The following PDE6A variants were observed in gnomAD, a reference collection of about 807,000 sequenced individuals.
PDE6A encodes the protein phosphodiesterase 6A.
A neutral mutation model predicts 106.3 loss-of-function variants in PDE6A; 84 were observed. That is an observed-to-expected ratio of 0.79 (90% CI 0.66 to 0.95). PDE6A has a LOEUF of 0.95. Ranked by LOEUF, PDE6A falls within the 40% of genes least tolerant of loss-of-function variation. The probability of loss-of-function intolerance (pLI) is 0.00; values close to 1 mark genes in which losing one functional copy is unlikely to be tolerated. For missense variants in PDE6A, 1,052 were observed against 1,084.9 expected (o/e 0.97, Z 0.43); for synonymous variants, 394 against 386.6 (o/e 1.02, Z -0.23).
At chr5:149,935,808 C>G (rs1206391485) in intron 1 of PDE6A, among the ~76,000 whole-genome samples, 2 of 152,200 alleles carry the variant, frequency 1.3e-5, no homozygotes, top group African/African-American at 4.8e-5. Context: ...CAGCTCACGC[C>G]GTTCTGAGTG....
chr5:149,868,138 C>T lies in PDE6A; in HGVS notation c.2156G>A (p.Cys719Tyr). 1 of 1,614,182 alleles carries T rather than the reference C, an allele frequency of 6.2e-7. No individual in the cohort carries two copies. ...EIVMAMMMTA[C>Y]DLSAITKPWE... ...GGGTTTGGTGATGGCTGAGAGATCA[C>T]AGGCGGTCATCATCATGGCCCTGGG... is the stretch of plus-strand genomic sequence containing the variant. The change falls in exon 18 of 22, where the codon TGT becomes TAT. Residue 719 changes from cysteine to tyrosine, a missense_variant. By Grantham distance (194) the Cys-to-Tyr change is radical. This residue lies in a region of PDE6A where 913 missense variants were observed against 915.2 expected (regional missense o/e 1.00). Coordinates refer to ENST00000255266, the MANE Select transcript of PDE6A (RefSeq NM_000440.3).
chr5:149,928,209 C>CCATATATATATATATATATA (rs1554091926), intron 4 of PDE6A, among the ~76,000 whole-genome samples: 1 of 44,558 alleles, frequency 2.2e-5, no homozygotes, highest in African/African-American at 1.4e-4. Context: ...ATTGTATGTG[C>CCATATATATATATATATATA]TATATATATA....
In PDE6A at chr5:149,905,283, C is replaced by T. The variant is rs112187873; in HGVS notation, c.1066-1588G>A. Among the ~76,000 whole-genome samples the T allele has an allele frequency of 1.4e-3, 206 of 152,272 alleles. 1 individual carries two copies. Among genetic ancestry groups the T allele is most frequent in the African/African-American group, 4.8e-3 (200 of 41,538 alleles). On this transcript the variant is annotated intron_variant, in intron 7 of 21. Transcript: ENST00000255266. ...CATTATTGCACCCTAGGTCCACTGC[C>T]TGTCTCCCTCTCCCTAAGTGGCTTC...
intron 4 of PDE6A, among the ~76,000 whole-genome samples, chr5:149,925,252 A>G (rs1440922318): frequency 6.6e-6 from 1 of 152,240 alleles, no homozygotes; most frequent in Non-Finnish European, 1.5e-5. Flanking sequence ...GCTTTCAGAC[A>G]GAGACTCAAA....
At position 149,907,278 on chromosome 5, in the gene PDE6A, C is replaced by T. The variant is rs113582466; in HGVS notation, c.1065+34G>A. Reference sequence around the variant, plus strand: ...CTTCCACTCTTTCTTCCACGTGATCCAAAACTCTCCCCCTTCAAAGTTATA... The same window carrying T: ...CTTCCACTCTTTCTTCCACGTGATCTAAAACTCTCCCCCTTCAAAGTTATA... On this transcript the variant is annotated intron_variant, in intron 7 of 21. Coordinates refer to ENST00000255266, the MANE Select transcript of PDE6A (RefSeq NM_000440.3). The T allele has an allele frequency of 1.3e-3, 2,038 of 1,514,664 alleles. 28 individuals carry two copies. The African/African-American group carries it at 0.024, about 18-fold the overall frequency. The allele number at this position is 1,514,664 out of a possible 1,614,324, so 93.8% of individuals were successfully genotyped here.
In PDE6A at chr5:149,898,384, A is replaced by T. The variant is rs575249057; in HGVS notation, c.1386T>A (p.Asn462Lys). ...DIVKYHVKCD[N>K]EEIQKILKTR... ...ACACCAAGATTTTCTGAATTTCTTCATTGTCACACTTCACATGATATTTTA... is the reference window on the plus strand; with the variant it reads ...ACACCAAGATTTTCTGAATTTCTTCTTTGTCACACTTCACATGATATTTTA... The change falls in exon 10 of 22, where the codon AAT (asparagine) becomes AAA (lysine). Residue 462 changes from asparagine (N) to lysine (K), a missense_variant. Coordinates refer to ENST00000255266, the MANE Select transcript of PDE6A (RefSeq NM_000440.3). The T allele has an allele frequency of 1.2e-6, 2 of 1,613,572 alleles. No individual in the cohort carries two copies. Among genetic ancestry groups the T allele is most frequent in the South Asian group, 2.2e-5 (2 of 91,074 alleles).
Position 149,899,398 on chromosome 5 carries a change from C to T in PDE6A, c.1240G>A (p.Glu414Lys), listed in dbSNP as rs1363046487. ...YNRKDGKPFDEMDETLMESLT... is the reference protein window; with the variant it reads ...YNRKDGKPFDKMDETLMESLT... Reference sequence around the variant, plus strand: ...ACCTCCATGAGCGTCTCATCCATTTCATCAAAGGGCTTCCCATCTTTACGA... The same window carrying T: ...ACCTCCATGAGCGTCTCATCCATTTTATCAAAGGGCTTCCCATCTTTACGA... Residue 414 changes from glutamate to lysine, a missense_variant, in exon 9 of 22, where the codon GAA becomes AAA. Coordinates refer to ENST00000255266, the MANE Select transcript of PDE6A (RefSeq NM_000440.3). The T allele has an allele frequency of 6.2e-7, 1 of 1,614,040 alleles. No homozygotes were observed. The highest frequency in any genetic ancestry group is 8.5e-7 in the Non-Finnish European group (1 of 1,180,014).
At chr5:149,868,300 TC>T in intron 17 of PDE6A, 142 bp from the exon 18 acceptor site, 2 of 789,860 alleles carry the variant, frequency 2.5e-6, no homozygotes, top group Non-Finnish European at 4.3e-6. Flanking sequence ...CCCCATTGCA[TC>T]CAGGGGTTGG....
At position 149,896,889 on chromosome 5, in the gene PDE6A, A is replaced by G. The variant is rs563755052; in HGVS notation, c.1408-113T>C. Reference sequence around the variant, plus strand: ...TCCTTGCAACAGAACCACCAGCTCAAAGAGGATTCCATTTAACATCCATTG... The same window carrying G: ...TCCTTGCAACAGAACCACCAGCTCAGAGAGGATTCCATTTAACATCCATTG... On this transcript the variant is annotated intron_variant, in intron 10 of 21. Transcript: ENST00000255266. 9.5e-6 allele frequency: 11 copies of G among 1,158,174 alleles called. No homozygotes were observed. In the South Asian group the frequency reaches 1.2e-4, roughly 13 times the overall value. The allele number at this position is 1,158,174 out of a possible 1,614,324, so 71.7% of individuals were successfully genotyped here.
intron 4 of PDE6A, among the ~76,000 whole-genome samples, chr5:149,928,002 T>A (rs1402183343): frequency 6.6e-6 from 1 of 151,668 alleles, no homozygotes; most frequent in African/African-American, 2.4e-5. Flanking sequence ...CCATCTCCTA[T>A]GATAACAATG....
At chr5:149,878,433 G>A (rs1029438153) in intron 17 of PDE6A, among the ~76,000 whole-genome samples, 1 of 152,044 alleles carries the variant, frequency 6.6e-6, no homozygotes, top group South Asian at 2.1e-4. Context: ...TAGGTATTTC[G>A]ATTGTTTTCA....
chr5:149,897,979 A>G lies in PDE6A; in HGVS notation c.1407+384T>C, dbSNP rs139826271. ...GGTCTTCCAGATAAAGCTTCCTCTC[A>G]GAGTAGGGGCTATGGCTGGTTGACT... On this transcript the variant is annotated intron_variant, in intron 10 of 21. Coordinates refer to ENST00000255266, the MANE Select transcript of PDE6A (RefSeq NM_000440.3). Among the ~76,000 whole-genome samples the G allele has an allele frequency of 2.4e-3, 365 of 152,302 alleles. 4 individuals carry two copies. The highest frequency in any genetic ancestry group is 8.3e-3 in the African/African-American group (345 of 41,568).
intron 6 of PDE6A, among the ~76,000 whole-genome samples, chr5:149,910,515 C>CT (rs111673678): frequency 0.044 from 6,655 of 152,250 alleles, 478 homozygotes; most frequent in African/African-American, 0.15. Flanking sequence ...ATATCTCACA[C>CT]TTTTTTCTGT....
chr5:149,881,018 G>A (rs191687578), intron 17 of PDE6A, among the ~76,000 whole-genome samples: 19 of 152,268 alleles, frequency 1.2e-4, no homozygotes, highest in Admixed American at 9.2e-4. Context: ...AGCCGAGATC[G>A]TGCTGCTGTA....
rs553982611 is a variant in PDE6A, at chr5:149,880,759, T to C, written c.2135+2670A>G. ...TAAATAAATAACCAAAATGAGATACTGTCTGGCACCAGTCACAATGGCAAT... is the reference window on the plus strand; with the variant it reads ...TAAATAAATAACCAAAATGAGATACCGTCTGGCACCAGTCACAATGGCAAT... On this transcript the variant is annotated intron_variant, in intron 17 of 21. Coordinates refer to ENST00000255266, the MANE Select transcript of PDE6A (RefSeq NM_000440.3). 7.9e-5 allele frequency among the ~76,000 whole-genome samples: 12 copies of C among 152,026 alleles called. No homozygotes were observed. In the South Asian group the frequency reaches 2.5e-3, roughly 32 times the overall value.
rs745449071 is a variant in PDE6A at position 149,867,806 on chromosome 5, C to A, written c.2200-7G>T. On this transcript the variant is annotated splice_polypyrimidine_tract_variant and splice_region_variant and intron_variant, in intron 18 of 21. Coordinates refer to ENST00000255266, the MANE Select transcript of PDE6A (RefSeq NM_000440.3). ...CAGCCACCAGCAGAGCTACCTGCAA[C>A]AGACAGACCCTCACACACGCAGAGT... 9.3e-6 allele frequency: 15 copies of A among 1,612,148 alleles called. No individual in the cohort carries two copies. The highest frequency in any genetic ancestry group is 1.1e-5 in the Non-Finnish European group (13 of 1,179,816).
At chr5:149,932,368 G>T (rs1296905117) in intron 3 of PDE6A, 3 of 1,403,988 alleles carry the variant, frequency 2.1e-6, no homozygotes, top group Non-Finnish European at 3.0e-6. Flanking sequence ...AAATCTAGTG[G>T]TCTTTCACTT....
rs574857529 is a variant in PDE6A at position 149,931,499 on chromosome 5, C to G, written c.718-331G>C. Reference sequence around the variant, plus strand: ...TACAAAACTAAAATGAAAGAATGCACTTATTGCACACATATTAAACTGCTG... The same window carrying G: ...TACAAAACTAAAATGAAAGAATGCAGTTATTGCACACATATTAAACTGCTG... On this transcript the variant is annotated intron_variant, in intron 3 of 21. Transcript: ENST00000255266. Among the ~76,000 whole-genome samples the G allele has an allele frequency of 5.9e-5, 9 of 152,256 alleles. No homozygotes were observed. The East Asian group carries it at 1.7e-3, about 29-fold the overall frequency.
At chr5:149,906,518 T>TAAAAAAAAAAAAAAAAAAAAAAAAAAA in intron 7 of PDE6A, among the ~76,000 whole-genome samples, 1 of 10,266 alleles carries the variant, frequency 9.7e-5, no homozygotes, top group Non-Finnish European at 2.1e-4. Context: ...AGAGACACTG[T>TAAAAAAAAAAAAAAAAAAAAAAAAAAA]CAAAAAAAAA....
Sources: allele counts gnomAD v4.1 joint callset (sites outside exome capture counted in the v4.1 genomes callset), GRCh38; gene constraint gnomAD v4.1.1; regional missense constraint gnomAD v4.1.1; transcripts MANE v1.5; gene names NCBI Gene and HGNC (gene_info 2026-07-23, HGNC 2026-07-21).